The following ICE1 variants were observed in gnomAD, a reference collection of about 807,000 sequenced individuals.
ICE1 encodes little elongation complex subunit 1.
A neutral mutation model predicts 192.7 loss-of-function variants in ICE1; 64 were observed. The observed-to-expected ratio is 0.33, with a 90% CI of 0.27 to 0.41. The LOEUF is 0.41. Among genes scored for constraint, ICE1 ranks in the 10% least tolerant of loss-of-function variants. The pLI is 1.00. For missense variants in ICE1, 2,708 were observed against 2,696.0 expected, an observed-to-expected ratio of 1.00 and a Z score of -0.10; for synonymous variants, 1,010 against 984.5, an observed-to-expected ratio of 1.03 and a Z score of -0.49.
intron 12 of ICE1, among the ~76,000 whole-genome samples, chr5:5,460,163 G>A (rs1738723568): frequency 6.6e-6 from 1 of 152,168 alleles, no homozygotes; most frequent in South Asian, 2.1e-4. Context: ...ACATAACCCT[G>A]TGTAGAGTGG....
At chr5:5,429,398 C>T (rs1737630767) in intron 1 of ICE1, among the ~76,000 whole-genome samples, 1 of 152,138 alleles carries the variant, frequency 6.6e-6, no homozygotes, top group African/African-American at 2.4e-5. Context: ...GCAGGTCTTG[C>T]TAAGGATCGT....
Position 5,463,355 on chromosome 5 carries a change from A to G in ICE1, c.4021A>G (p.Asn1341Asp), listed in dbSNP as rs1472325443. The change falls in exon 13 of 19, where the codon AAC becomes GAC. Residue 1341 changes from asparagine (N) to aspartate (D), a missense_variant. Coordinates refer to ENST00000296564, the MANE Select transcript of ICE1 (RefSeq NM_015325.3). Reference protein sequence around the residue: ...SPISGMPQNENPQSRPEARSD... With the variant: ...SPISGMPQNEDPQSRPEARSD... ...CATCAGCGGTATGCCTCAGAATGAA[A>G]ACCCTCAGAGCAGACCAGAGGCCCG... The G allele has an allele frequency of 3.1e-6, 5 of 1,613,824 alleles. No homozygotes were observed. Among genetic ancestry groups the G allele is most frequent in the Non-Finnish European group, 4.2e-6 (5 of 1,179,840 alleles).
chr5:5,471,117 C>T (rs995363951), intron 15 of ICE1, among the ~76,000 whole-genome samples: 1 of 151,980 alleles, frequency 6.6e-6, no homozygotes, highest in Non-Finnish European at 1.5e-5. Context: ...AAAATGCCAG[C>T]AACATAGATA....
chr5:5,435,998 G>A (rs1737864028), intron 1 of ICE1, among the ~76,000 whole-genome samples: 1 of 151,928 alleles, frequency 6.6e-6, no homozygotes, highest in Non-Finnish European at 1.5e-5. Context: ...CTTAATCTTA[G>A]TCCATTTTAA....
intron 12 of ICE1, among the ~76,000 whole-genome samples, chr5:5,459,483 T>C (rs1010861383): frequency 6.6e-6 from 1 of 152,150 alleles, no homozygotes; most frequent in Non-Finnish European, 1.5e-5. Flanking sequence ...GTGGAAGTCA[T>C]GCAGCTCTGA....
rs1382788155 is a variant in ICE1, at chr5:5,456,185, C to T, written c.692-1147C>T. ...ATTATCACTGGGCTCTAACCTTGAG[C>T]ACTTGGGTAAGGTGGTATCTGCAAG... On this transcript the variant is annotated intron_variant, in intron 11 of 18. Transcript: ENST00000296564. Among the ~76,000 whole-genome samples, 9 of 152,266 alleles carry T rather than the reference C, an allele frequency of 5.9e-5. No homozygotes were observed. The East Asian group carries it at 1.5e-3, about 26-fold the overall frequency.
intron 1 of ICE1, among the ~76,000 whole-genome samples, chr5:5,429,255 G>A (rs1355720417): frequency 1.3e-5 from 2 of 152,108 alleles, no homozygotes; most frequent in African/African-American, 4.8e-5. Context: ...CAAGATTCCA[G>A]ACCCCCACAA....
At chr5:5,424,900 G>T (rs1283601303) in intron 1 of ICE1, among the ~76,000 whole-genome samples, 1 of 152,174 alleles carries the variant, frequency 6.6e-6, no homozygotes, top group Non-Finnish European at 1.5e-5. Context: ...GTAGGAGGAG[G>T]GCCTGATTGT....
At position 5,475,920 on chromosome 5, in the gene ICE1, A is replaced by G; in HGVS notation, c.6414-53A>G. 3 of 1,024,448 alleles carry G rather than the reference A, an allele frequency of 2.9e-6. 1 individual carries two copies. The East Asian group carries it at 7.2e-5, about 25-fold the overall frequency. 63.5% of individuals were successfully genotyped at this position (1,024,448 alleles called of 1,614,324 possible). ...GCTTAAGGATCATTTATAAGATATT[A>G]GTATTATTTGAGTGATGATGAGCAT... On this transcript the variant is annotated intron_variant, in intron 16 of 18. Transcript: ENST00000296564.
chr5:5,428,773 G>A (rs1579534936), intron 1 of ICE1, among the ~76,000 whole-genome samples: 1 of 152,146 alleles, frequency 6.6e-6, no homozygotes, highest in African/African-American at 2.4e-5. Context: ...GTCATGTCAG[G>A]AATATGTGTT....
intron 10 of ICE1, 69 bp downstream of exon 10, chr5:5,447,966 C>A: frequency 8.1e-7 from 1 of 1,228,798 alleles, no homozygotes; most frequent in Non-Finnish European, 1.2e-6. Flanking sequence ...CTGTGTTTTG[C>A]TCCTACATAT....
At chr5:5,444,610 A>G (rs1292124018) in intron 7 of ICE1, among the ~76,000 whole-genome samples, 1 of 152,234 alleles carries the variant, frequency 6.6e-6, no homozygotes, top group African/African-American at 2.4e-5. Context: ...AATTAATGAA[A>G]GAATTTAATT....
chr5:5,433,195 GC>G (rs1162945143), intron 1 of ICE1, among the ~76,000 whole-genome samples: 1 of 152,168 alleles, frequency 6.6e-6, no homozygotes, highest in Non-Finnish European at 1.5e-5. Context: ...TAGTACACCT[GC>G]CCCAAGGGTC....
At position 5,489,189 on chromosome 5, in the gene ICE1, T is replaced by A. The variant is rs1185774990; in HGVS notation, c.6660T>A (p.Leu2220=). The A allele has an allele frequency of 6.2e-7, 1 of 1,613,898 alleles. No homozygotes were observed. Among genetic ancestry groups the A allele is most frequent in the Non-Finnish European group, 8.5e-7 (1 of 1,179,892 alleles). ...TACAGTTAGCAGCCGTGTATGCTCT[T>A]TGTGACTTGAGTCCCAGCAATCCAG... The part of the protein sequence containing the change: ...WGIQLAAVYA[L]CDLSPSNPAE... Residue 2220 remains leucine, a synonymous_variant, in exon 19 of 19, where the codon CTT becomes CTA. Coordinates refer to ENST00000296564, the MANE Select transcript of ICE1 (RefSeq NM_015325.3).
rs1387812597 is a variant in ICE1, at chr5:5,461,044, T to G, written c.1710T>G (p.Asn570Lys). 1.2e-6 allele frequency: 2 copies of G among 1,614,058 alleles called. No homozygotes were observed. The highest frequency in any genetic ancestry group is 1.7e-6 in the Non-Finnish European group (2 of 1,179,898). Reference protein sequence around the residue: ...KSEFTKWTRINEITSEPDRIT... With the variant: ...KSEFTKWTRIKEITSEPDRIT... ...AGTTTACTAAGTGGACACGAATTAA[T>G]GAAATCACTTCTGAACCAGACCGTA... The change falls in exon 13 of 19, where the codon AAT (asparagine) becomes AAG (lysine). Residue 570 changes from asparagine to lysine, a missense_variant. Asn to Lys is a moderately conservative substitution (Grantham distance 94, BLOSUM62 0). Around this residue, in one of 2 missense-constraint regions of ICE1, gnomAD observed 2,366 missense variants for 2,276.6 expected, o/e 1.04. Transcript: ENST00000296564.
chr5:5,451,153 A>G (rs1738403006), intron 10 of ICE1, among the ~76,000 whole-genome samples: 1 of 152,194 alleles, frequency 6.6e-6, no homozygotes, highest in African/African-American at 2.4e-5. Flanking sequence ...AAACTCACAT[A>G]AGACACACAA....
chr5:5,465,800 G>T (rs1738966752), intron 13 of ICE1, among the ~76,000 whole-genome samples: 1 of 152,076 alleles, frequency 6.6e-6, no homozygotes, highest in African/African-American at 2.4e-5. Context: ...TTTTTAGATT[G>T]CTTCCTTGCA....
At chr5:5,474,209 C>CAAAAAA (rs199608820) in intron 16 of ICE1, among the ~76,000 whole-genome samples, 1 of 120,592 alleles carries the variant, frequency 8.3e-6, no homozygotes, top group African/African-American at 3.2e-5. Flanking sequence ...GACTTCATCT[C>CAAAAAA]AAAAAAAAAA....
At position 5,437,130 on chromosome 5, in the gene ICE1, C is replaced by A; in HGVS notation, c.178+16C>A. ...AAATGTGATGATATCCTTTTACTGGCTTTTTCTGTTGAGTTTTGGAACTAA... is the reference window on the plus strand; with the variant it reads ...AAATGTGATGATATCCTTTTACTGGATTTTTCTGTTGAGTTTTGGAACTAA... On this transcript the variant is annotated intron_variant, in intron 3 of 18. Coordinates refer to ENST00000296564, the MANE Select transcript of ICE1 (RefSeq NM_015325.3). 1 of 1,528,768 alleles carries A rather than the reference C, an allele frequency of 6.5e-7. No homozygotes were observed. The highest frequency in any genetic ancestry group is 1.9e-5 in the Admixed American group (1 of 52,652). 94.7% of individuals were successfully genotyped at this position (1,528,768 alleles called of 1,614,324 possible).
Sources: allele counts gnomAD v4.1 joint callset (sites outside exome capture counted in the v4.1 genomes callset), GRCh38; gene constraint gnomAD v4.1.1; regional missense constraint gnomAD v4.1.1; transcripts MANE v1.5; gene names NCBI Gene and HGNC (gene_info 2026-07-23, HGNC 2026-07-21).